The following ANK2 variants were observed in gnomAD, a reference collection of about 807,000 sequenced individuals.
ANK2 encodes ankyrin-2.
ANK2 carries 83 observed loss-of-function variants against 360.5 expected under a neutral mutation model. That is an observed-to-expected ratio of 0.23 (90% confidence interval 0.19 to 0.28). ANK2 has a LOEUF of 0.28. Ranked by LOEUF, ANK2 falls within the 10% of genes least tolerant of loss-of-function variation. The pLI is 1.00. For missense variants in ANK2, 4,201 were observed against 4,795.7 expected, an observed-to-expected ratio of 0.88 and a Z score of 3.66; for synonymous variants, 1,740 against 1,759.5, an observed-to-expected ratio of 0.99 and a Z score of 0.28.
chr4:112,913,198 AAAT>A (rs2151050427), intron 2 of ANK2, among the ~76,000 whole-genome samples: 1 of 152,326 alleles, frequency 6.6e-6, no homozygotes, highest in East Asian at 1.9e-4. Flanking sequence ...GTGCTATATT[AAAT>A]ATTACTTGAA....
chr4:112,808,783 T>A, the ANK2 span, among the ~76,000 whole-genome samples: 1 of 152,176 alleles, frequency 6.6e-6, no homozygotes, highest in Non-Finnish European at 1.5e-5. Context: ...GAATAGTTAT[T>A]TCAGAGATAG....
At chr4:113,365,740 C>A (rs933703871) in intron 41 of ANK2, among the ~76,000 whole-genome samples, 1 of 151,654 alleles carries the variant, frequency 6.6e-6, no homozygotes, top group Non-Finnish European at 1.5e-5. Context: ...CCAACACTGT[C>A]TCTTTTCTTT....
chr4:112,760,380 G>C, the ANK2 span, among the ~76,000 whole-genome samples: 1 of 151,912 alleles, frequency 6.6e-6, no homozygotes, highest in Non-Finnish European at 1.5e-5. Context: ...GTAAAGACAG[G>C]GTTTCACCGT....
At chr4:113,110,756 G>A (rs549681404) in intron 1 of ANK2, among the ~76,000 whole-genome samples, 57 of 152,072 alleles carry the variant, frequency 3.7e-4, no homozygotes, top group African/African-American at 8.9e-4. Context: ...TATATTTATC[G>A]TAGTATCTGC....
At chr4:113,167,046 T>C (rs1472648677) in intron 1 of ANK2, among the ~76,000 whole-genome samples, 1 of 152,184 alleles carries the variant, frequency 6.6e-6, no homozygotes, top group Non-Finnish European at 1.5e-5. Context: ...CATTGTCTCT[T>C]AGACTGTACC....
Position 112,937,849 on chromosome 4 carries a change from G to A in ANK2, c.21+33335G>A, listed in dbSNP as rs191089285. Reference sequence around the variant, plus strand: ...TAGAATTGAGGTGGTCCTTAGAAAAGATGGCCTCTGCAACTTATTAGCTGT... The same window carrying A: ...TAGAATTGAGGTGGTCCTTAGAAAAAATGGCCTCTGCAACTTATTAGCTGT... On this transcript the variant is annotated intron_variant, in intron 2 of 30. Coordinates refer to the ANK2 transcript ENST00000503271. Among the ~76,000 whole-genome samples the A allele has an allele frequency of 3.3e-3, 508 of 152,268 alleles. 5 individuals carry two copies. Among genetic ancestry groups the A allele is most frequent in the Non-Finnish European group, 2.9e-3 (195 of 68,014 alleles).
At chr4:113,338,613 A>G (rs1277587268) in intron 31 of ANK2, among the ~76,000 whole-genome samples, 13 of 141,808 alleles carry the variant, frequency 9.2e-5, no homozygotes, top group African/African-American at 3.3e-4. Flanking sequence ...GCAGTGGCAC[A>G]ATCTCGGCTC....
intron 2 of ANK2, among the ~76,000 whole-genome samples, chr4:113,007,395 T>A (rs2053263398): frequency 6.6e-6 from 1 of 152,170 alleles, no homozygotes; most frequent in Non-Finnish European, 1.5e-5. Context: ...CCTTGCCTGA[T>A]GACAACTACA....
At chr4:113,265,054 A>G (rs895938147) in intron 14 of ANK2, 59 bp downstream of exon 14, 21 of 1,477,568 alleles carry the variant, frequency 1.4e-5, no homozygotes, top group Non-Finnish European at 1.9e-5. Context: ...CATCCTTAAG[A>G]GAGGGTGTTG....
At chr4:112,783,682 C>G in the ANK2 span, among the ~76,000 whole-genome samples, 3 of 148,282 alleles carry the variant, frequency 2.0e-5, no homozygotes, top group Non-Finnish European at 4.5e-5. Context: ...GACAGAGTCT[C>G]GCTCTGTCAC....
the ANK2 span, among the ~76,000 whole-genome samples, chr4:112,715,393 T>C: frequency 6.6e-6 from 1 of 152,162 alleles, no homozygotes; most frequent in Non-Finnish European, 1.5e-5. Flanking sequence ...GATATTAACA[T>C]CATATTATAA....
Position 113,232,144 on chromosome 4 carries a change from T to C in ANK2, c.385-17T>C, listed in dbSNP as rs909635144. ...TACAAATGATTGAAGGTGTCTTTTT[T>C]TATTGCTTGTCCTCAGAATGGCTTT... On this transcript the variant is annotated splice_polypyrimidine_tract_variant and intron_variant, in intron 4 of 45. Coordinates refer to ENST00000357077, the MANE Select transcript of ANK2 (RefSeq NM_001148.6). The C allele has an allele frequency of 2.6e-6, 4 of 1,531,836 alleles. No individual in the cohort carries two copies. Among genetic ancestry groups the C allele is most frequent in the Non-Finnish European group, 3.6e-6 (4 of 1,105,608 alleles). The allele number at this position is 1,531,836 out of a possible 1,614,324, so 94.9% of individuals were successfully genotyped here.
chr4:113,104,890 AGT>A (rs2093424568), intron 1 of ANK2, among the ~76,000 whole-genome samples: 1 of 152,158 alleles, frequency 6.6e-6, no homozygotes, highest in Non-Finnish European at 1.5e-5. Flanking sequence ...GTAATAGTAT[AGT>A]ATCTTGGGAG....
Position 113,355,336 on chromosome 4 carries a change from C to A in ANK2, c.6718C>A (p.Pro2240Thr), listed in dbSNP as rs752841046. 1 of 1,613,906 alleles carries A rather than the reference C, an allele frequency of 6.2e-7. No individual in the cohort carries two copies. Among genetic ancestry groups the A allele is most frequent in the Non-Finnish European group, 8.5e-7 (1 of 1,179,948 alleles). The part of the protein sequence containing the change: ...SYKHEGLAET[P>T]ETSPESLSFS... The stretch of plus-strand genomic sequence containing the variant: ...TAAGCATGAAGGCCTAGCAGAGACC[C>A]CTGAGACGAGCCCAGAAAGCCTTTC... Residue 2240 changes from proline (P) to threonine (T), a missense_variant, in exon 38 of 46, where the codon CCT becomes ACT. Around this residue, in one of 4 missense-constraint regions of ANK2, gnomAD observed 2,642 missense variants for 2,714.5 expected, o/e 0.97. Transcript: ENST00000357077.
At chr4:113,340,854 A>C in intron 32 of ANK2, among the ~76,000 whole-genome samples, 1 of 151,894 alleles carries the variant, frequency 6.6e-6, no homozygotes, top group Non-Finnish European at 1.5e-5. Flanking sequence ...GTCTCAAAAA[A>C]AAAAAAAAGA....
At chr4:112,771,470 G>A in the ANK2 span, among the ~76,000 whole-genome samples, 2 of 152,074 alleles carry the variant, frequency 1.3e-5, no homozygotes, top group Non-Finnish European at 2.9e-5. Flanking sequence ...AGGAAATGAA[G>A]ACCAAAAGAA....
chr4:113,022,366 G>T (rs1407161365), intron 2 of ANK2, among the ~76,000 whole-genome samples: 1 of 152,010 alleles, frequency 6.6e-6, no homozygotes. Flanking sequence ...TATTTGGTAC[G>T]CAATTCCAGG....
chr4:112,758,707 G>A, the ANK2 span, among the ~76,000 whole-genome samples: 7 of 152,290 alleles, frequency 4.6e-5, no homozygotes, highest in Admixed American at 1.3e-4. Context: ...GAGCCACTGC[G>A]CCTGGCACAA....
the ANK2 span, among the ~76,000 whole-genome samples, chr4:112,716,275 A>G: frequency 6.6e-6 from 1 of 152,034 alleles, no homozygotes; most frequent in Admixed American, 6.6e-5. Context: ...TCTTTTTTAT[A>G]TATAGAGACA....
Sources: gnomAD v4.1 joint callset for allele counts (sites outside exome capture counted in the v4.1 genomes callset) on GRCh38, gnomAD v4.1.1 for gene constraint, gnomAD v4.1.1 regional missense constraint, MANE v1.5 for transcripts, NCBI Gene and HGNC (gene_info 2026-07-23, HGNC 2026-07-21) for gene names.